The following EYS variants were observed in gnomAD, a reference collection of about 807,000 sequenced individuals.
The protein encoded by EYS is EGF-like photoreceptor maintenance factor.
In EYS, 250 loss-of-function variants were observed where a neutral mutation model predicts 282.1. The ratio of observed to expected loss-of-function variants is 0.89; its 90% CI spans 0.80 to 0.98. The LOEUF (loss-of-function observed/expected upper bound fraction) is 0.98. EYS is among the 50% of genes least tolerant of loss of function. The pLI is 0.00. For missense variants in EYS, 4,016 were observed against 3,709.0 expected (o/e 1.08, Z -2.15); for synonymous variants, 1,355 against 1,282.9 (o/e 1.06, Z -1.20).
At chr6:63,749,539 G>T (rs1484269813) in intron 41 of EYS, among the ~76,000 whole-genome samples, 1 of 152,154 alleles carries the variant, frequency 6.6e-6, no homozygotes, top group Non-Finnish European at 1.5e-5. Context: ...GAATATCTTT[G>T]TTAATTTTCT....
At chr6:64,810,769 G>T (rs1764569319) in intron 22 of EYS, among the ~76,000 whole-genome samples, 1 of 151,998 alleles carries the variant, frequency 6.6e-6, no homozygotes, top group Non-Finnish European at 1.5e-5. Context: ...TTATAAAGTT[G>T]AGTAATTTTC....
At chr6:63,782,253 T>C (rs1770249314) in intron 39 of EYS, among the ~76,000 whole-genome samples, 1 of 152,224 alleles carries the variant, frequency 6.6e-6, no homozygotes, top group South Asian at 2.1e-4. Context: ...ATCAGGATGA[T>C]GCTGCCCTCA....
chr6:64,559,330 G>A (rs1765329162), intron 26 of EYS, among the ~76,000 whole-genome samples: 1 of 148,678 alleles, frequency 6.7e-6, no homozygotes, highest in South Asian at 2.1e-4. Context: ...GTCTTGCTCT[G>A]TTGCCCAGGC....
chr6:64,504,834 T>A (rs1479294426), intron 26 of EYS, among the ~76,000 whole-genome samples: 1 of 152,098 alleles, frequency 6.6e-6, no homozygotes, highest in African/African-American at 2.4e-5. Context: ...GGAGCTGAGG[T>A]TGAAAAGGAT....
intron 15 of EYS, among the ~76,000 whole-genome samples, chr6:64,915,010 T>C (rs185095995): frequency 6.1e-4 from 93 of 152,260 alleles, no homozygotes; most frequent in African/African-American, 2.0e-3. Context: ...ATTATTTTGG[T>C]GACTTTCCAT....
intron 22 of EYS, among the ~76,000 whole-genome samples, chr6:64,790,680 C>A (rs1056902066): frequency 2.0e-5 from 3 of 151,604 alleles, no homozygotes; most frequent in African/African-American, 7.3e-5. Flanking sequence ...CAAATGTAGA[C>A]AAAGGAAATA....
chr6:64,059,408 A>G (rs1771088458), intron 33 of EYS, among the ~76,000 whole-genome samples: 1 of 152,184 alleles, frequency 6.6e-6, no homozygotes, highest in Non-Finnish European at 1.5e-5. Context: ...GTGATTACAG[A>G]GTCAAGTCAC....
chr6:65,357,249 C>G (rs1764520600), intron 8 of EYS, among the ~76,000 whole-genome samples: 1 of 151,930 alleles, frequency 6.6e-6, no homozygotes, highest in African/African-American at 2.4e-5. Context: ...CTTAATCATT[C>G]ATAATGTTTA....
intron 26 of EYS, among the ~76,000 whole-genome samples, chr6:64,496,732 A>T (rs943848161): frequency 6.6e-6 from 1 of 152,018 alleles, no homozygotes; most frequent in Non-Finnish European, 1.5e-5. Flanking sequence ...TATAATTATA[A>T]GCTTTCATGT....
intron 22 of EYS, among the ~76,000 whole-genome samples, chr6:64,745,397 A>G (rs1772522412): frequency 6.6e-6 from 1 of 152,186 alleles, no homozygotes; most frequent in South Asian, 2.1e-4. Context: ...ATGAATATTT[A>G]ACTATTTTAT....
intron 31 of EYS, among the ~76,000 whole-genome samples, chr6:64,195,728 T>C (rs1765268285): frequency 6.6e-6 from 1 of 152,226 alleles, no homozygotes; most frequent in Admixed American, 6.5e-5. Context: ...CTATTTATTT[T>C]CAAATTTAAT....
chr6:64,660,874 T>C lies in EYS; in HGVS notation c.3444-34629A>G, dbSNP rs183747809. On this transcript the variant is annotated intron_variant, in intron 22 of 42. Transcript: ENST00000503581. Reference sequence around the variant, plus strand: ...GCTACCAATTACTTTCTTCACAGAATTGGAAAAAACTACTTTAAAGTTCAT... The same window carrying C: ...GCTACCAATTACTTTCTTCACAGAACTGGAAAAAACTACTTTAAAGTTCAT... Among the ~76,000 whole-genome samples the C allele has an allele frequency of 2.8e-3, 430 of 152,206 alleles. 2 individuals carry two copies. Among genetic ancestry groups the C allele is most frequent in the Non-Finnish European group, 3.4e-3 (234 of 68,014 alleles).
chr6:65,350,226 G>A (rs1770547352), intron 9 of EYS, among the ~76,000 whole-genome samples: 1 of 151,282 alleles, frequency 6.6e-6, no homozygotes, highest in Admixed American at 6.6e-5. Context: ...GACAAAAGAA[G>A]ACTTGAAGGT....
In EYS at chr6:65,452,494, C is replaced by T. The variant is rs183584015; in HGVS notation, c.862+38100G>A. Among the ~76,000 whole-genome samples the T allele has an allele frequency of 6.6e-5, 10 of 151,988 alleles. No homozygotes were observed. The East Asian group carries it at 1.7e-3, about 26-fold the overall frequency. On this transcript the variant is annotated intron_variant, in intron 5 of 42. Coordinates refer to ENST00000503581, the MANE Select transcript of EYS (RefSeq NM_001142800.2). ...AATTATAGCTTGCAATGTATTACCT[C>T]ATTCGAGATAATAATATGTAATTAG...
At chr6:65,125,808 C>T (rs116699402) in intron 12 of EYS, among the ~76,000 whole-genome samples, 10,545 of 152,178 alleles carry the variant, frequency 0.069, 545 homozygotes, top group Non-Finnish European at 0.1. Flanking sequence ...AATCTCCCTT[C>T]CCTTGCTTTT....
At chr6:65,467,742 G>T (rs1421679676) in intron 5 of EYS, among the ~76,000 whole-genome samples, 1 of 151,904 alleles carries the variant, frequency 6.6e-6, no homozygotes, top group East Asian at 1.9e-4. Context: ...TAGGTAAAAA[G>T]GAGCCGCAAA....
chr6:64,299,456 A>C (rs1449684581), intron 30 of EYS, among the ~76,000 whole-genome samples: 3 of 152,228 alleles, frequency 2.0e-5, no homozygotes, highest in African/African-American at 7.2e-5. Flanking sequence ...TCTGTGGGTC[A>C]GACCCCAGCA....
chr6:63,972,689 T>C (rs1388419536), intron 35 of EYS, among the ~76,000 whole-genome samples: 1 of 152,006 alleles, frequency 6.6e-6, no homozygotes, highest in Admixed American at 6.6e-5. Flanking sequence ...ATCCCTCCCT[T>C]AGCCCCCAAC....
At chr6:64,697,386 A>C (rs1021873877) in intron 22 of EYS, among the ~76,000 whole-genome samples, 2 of 152,208 alleles carry the variant, frequency 1.3e-5, no homozygotes, top group South Asian at 4.1e-4. Context: ...ACATTCGTAA[A>C]ACAAATATTA....
Sources: gnomAD v4.1 joint callset for allele counts (sites outside exome capture counted in the v4.1 genomes callset) on GRCh38, gnomAD v4.1.1 for gene constraint, MANE v1.5 for transcripts, NCBI Gene and HGNC (gene_info 2026-07-23, HGNC 2026-07-21) for gene names.